Variants in PTGR3 observed in about 807,000 individuals in gnomAD.
The protein encoded by PTGR3 is prostaglandin reductase 3, also known as zinc binding alcohol dehydrogenase domain containing 2.
the PTGR3 span, chr18:75,201,497 A>G: frequency 6.2e-7 from 1 of 1,614,058 alleles, no homozygotes; most frequent in African/African-American, 1.3e-5. Context: ...AATTGACAGC[A>G]CGGAATATGG....
chr18:75,204,512 G>T, the PTGR3 span, among the ~76,000 whole-genome samples: 169 of 152,350 alleles, frequency 1.1e-3, 2 homozygotes, highest in Non-Finnish European at 2.0e-3. Context: ...AAGGGCAAGC[G>T]CTGGAGCGGT....
the PTGR3 span, chr18:75,199,737 A>G: frequency 1.6e-4 from 24 of 152,634 alleles, no homozygotes; most frequent in African/African-American, 5.8e-4. Flanking sequence ...ACCCTTCTTC[A>G]TAACTCAAAA....
At chr18:75,204,643 C>T in the PTGR3 span, among the ~76,000 whole-genome samples, 19 of 152,300 alleles carry the variant, frequency 1.2e-4, no homozygotes, top group South Asian at 2.1e-4. Context: ...ATCCCCACCG[C>T]CACCACGGAG....
chr18:75,197,309 T>C, the PTGR3 span: 1 of 152,292 alleles, frequency 6.6e-6, no homozygotes, highest in South Asian at 2.1e-4. Flanking sequence ...CTTGAGGAGG[T>C]AGACACCCCA....
At chr18:75,199,331 T>C in the PTGR3 span, 3 of 152,588 alleles carry the variant, frequency 2.0e-5, no homozygotes, top group African/African-American at 7.2e-5. Context: ...AGCAATTTAG[T>C]TGGTAATGTC....
At chr18:75,205,902 T>TC in the PTGR3 span, among the ~76,000 whole-genome samples, 1 of 151,824 alleles carries the variant, frequency 6.6e-6, no homozygotes, top group African/African-American at 2.4e-5. Context: ...GCCTTCCCCA[T>TC]CCCCCACCGT....
chr18:75,202,241 C>T, the PTGR3 span: 9 of 1,614,060 alleles, frequency 5.6e-6, no homozygotes, highest in South Asian at 1.1e-5. Context: ...GGGCCACCAC[C>T]TCCCCAATGC....
At chr18:75,202,236 A>G in the PTGR3 span, 1 of 1,614,160 alleles carries the variant, frequency 6.2e-7, no homozygotes, top group Non-Finnish European at 8.5e-7. Flanking sequence ...GCCTAGGGCC[A>G]CCACCTCCCC....
At chr18:75,208,818 G>C in the PTGR3 span, 502 of 1,433,476 alleles carry the variant, frequency 3.5e-4, 1 homozygote, top group Non-Finnish European at 3.5e-4. Flanking sequence ...GGGCGAGAAC[G>C]GGGGCGTGGG....
At chr18:75,201,480 T>A in the PTGR3 span, 23 of 1,614,070 alleles carry the variant, frequency 1.4e-5, no homozygotes, top group Middle Eastern at 3.3e-4. Context: ...TTTTCCCATG[T>A]ACATATAATT....
At chr18:75,205,345 T>C in the PTGR3 span, 371 of 985,072 alleles carry the variant, frequency 3.8e-4, no homozygotes, top group Non-Finnish European at 4.3e-4. Context: ...CTGGGAAGGA[T>C]TCGCGCATTT....
the PTGR3 span, among the ~76,000 whole-genome samples, chr18:75,205,015 C>T: frequency 1.3e-5 from 2 of 152,222 alleles, no homozygotes; most frequent in Admixed American, 6.5e-5. Flanking sequence ...GAGGCTTAGG[C>T]TGGCTGACGG....
the PTGR3 span, chr18:75,209,118 C>T: frequency 7.3e-7 from 1 of 1,366,662 alleles, no homozygotes; most frequent in Non-Finnish European, 9.5e-7. This position sits in a 1 kb window ranked among gnomAD's most constrained non-coding sequence, Gnocchi z 4.7. Context: ...CCCGCCCGGG[C>T]CGCTCGGCTC....
At chr18:75,202,398 T>G in the PTGR3 span, 1 of 1,523,764 alleles carries the variant, frequency 6.6e-7, no homozygotes, top group Middle Eastern at 1.9e-4. Context: ...GGCATTTAGA[T>G]TCTGCTTAGA....
At chr18:75,202,267 C>CA in the PTGR3 span, 1 of 1,614,104 alleles carries the variant, frequency 6.2e-7, no homozygotes, top group Non-Finnish European at 8.5e-7. Flanking sequence ...AAACCTATGT[C>CA]AAAGGGAGGC....
At chr18:75,198,175 A>G in the PTGR3 span, 2 of 152,214 alleles carry the variant, frequency 1.3e-5, no homozygotes, top group Non-Finnish European at 2.9e-5. Context: ...GGAAGCCAAA[A>G]ACCAGGTCCC....
chr18:75,196,668 T>G, the PTGR3 span: 1 of 147,254 alleles, frequency 6.8e-6, no homozygotes, highest in Non-Finnish European at 1.5e-5. Flanking sequence ...GTCTGTACTT[T>G]GGCCCAGCGC....
the PTGR3 span, chr18:75,202,072 C>T: frequency 1.1e-5 from 17 of 1,613,966 alleles, no homozygotes; most frequent in East Asian, 6.7e-5. Flanking sequence ...CTGATGTATG[C>T]GGTGGTGCCA....
the PTGR3 span, chr18:75,201,942 G>A: frequency 6.2e-7 from 1 of 1,614,206 alleles, no homozygotes; most frequent in Non-Finnish European, 8.5e-7. Context: ...AGAAGAGCAG[G>A]TTCCAATTAC....
Sources: allele counts gnomAD v4.1 joint callset (sites outside exome capture counted in the v4.1 genomes callset), GRCh38; gene constraint gnomAD v4.1.1; non-coding constraint Gnocchi (gnomAD v3.1); transcripts MANE v1.5; gene names NCBI Gene and HGNC (gene_info 2026-07-23, HGNC 2026-07-21).